GTF2H5: variants seen among roughly 807,000 people sequenced by gnomAD.
The protein encoded by GTF2H5 is general transcription factor IIH subunit 5.
Under a neutral mutation model 7.1 loss-of-function variants are expected in GTF2H5, and 5 were observed. The ratio of observed to expected loss-of-function variants is 0.71; its 90% CI spans 0.37 to 1.49. GTF2H5 has a LOEUF of 1.49. Ranked by LOEUF, GTF2H5 falls within the 40% of genes most tolerant of loss-of-function variation. GTF2H5 has a pLI of 0.03. For missense variants in GTF2H5, 80 were observed against 83.0 expected (o/e 0.96, Z 0.14); for synonymous variants, 30 against 31.7 (o/e 0.95, Z 0.18).
At chr6:158,184,271 A>C (rs1392820206) in intron 2 of GTF2H5, among the ~76,000 whole-genome samples, 1 of 151,664 alleles carries the variant, frequency 6.6e-6, no homozygotes, top group East Asian at 1.9e-4. Flanking sequence ...CATGTGAAGG[A>C]GGAGCCGCAT....
intron 2 of GTF2H5, among the ~76,000 whole-genome samples, chr6:158,171,730 A>T (rs1263340014): frequency 6.6e-6 from 1 of 152,228 alleles, no homozygotes; most frequent in East Asian, 1.9e-4. Context: ...GAGCAATCTC[A>T]TAGAGAACTG....
rs1235580799 is a variant in GTF2H5 at position 158,193,456 on chromosome 6, C to T, written c.*1299C>T. 1 of 152,122 alleles carries T rather than the reference C, an allele frequency of 6.6e-6. No individual in the cohort carries two copies. Among genetic ancestry groups the T allele is most frequent in the Non-Finnish European group, 1.5e-5 (1 of 68,030 alleles). 9.4% of individuals were successfully genotyped at this position (152,122 alleles called of 1,614,324 possible). ...CAAGAGAAAAGAGAATTTTCATGAC[C>T]TGTAGACTCTTACAAATCCATTTTA... On this transcript the variant is annotated 3_prime_UTR_variant, in exon 3 of 3. Coordinates refer to ENST00000607778, the MANE Select transcript of GTF2H5 (RefSeq NM_207118.3).
chr6:158,191,436 T>G (rs951686002), intron 2 of GTF2H5, among the ~76,000 whole-genome samples: 4 of 152,210 alleles, frequency 2.6e-5, no homozygotes, highest in Non-Finnish European at 5.9e-5. Context: ...CAAATTATTC[T>G]TTAAAAATCT....
rs1331820264 is a variant in GTF2H5 at position 158,169,436 on chromosome 6, AT to A, written c.-34-1032del. Among the ~76,000 whole-genome samples, 52 of 68,400 alleles carry A rather than the reference AT, an allele frequency of 7.6e-4. 1 individual carries two copies. Among genetic ancestry groups the A allele is most frequent in the African/African-American group, 4.2e-3 (48 of 11,494 alleles). 44.9% of individuals were successfully genotyped at this position (68,400 alleles called of 152,430 possible). ...ATATATTATATATAATATATTGTAT[AT>A]TATATATATTATATATTATATATAT... is the stretch of plus-strand genomic sequence containing the variant. On this transcript the variant is annotated intron_variant, in intron 1 of 2. Coordinates refer to ENST00000607778, the MANE Select transcript of GTF2H5 (RefSeq NM_207118.3).
At position 158,199,041 on chromosome 6, in the gene GTF2H5, G is replaced by A. The variant is rs1477873271; in HGVS notation, c.*6884G>A. On this transcript the variant is annotated 3_prime_UTR_variant, in exon 3 of 3. Transcript: ENST00000607778. ...AATTCTCCATGATTAGCACCTTTAT[G>A]TGGTTATCTCATTATTTTCATTCCT... 6.6e-6 allele frequency: 1 copy of A among 152,140 alleles called. No individual in the cohort carries two copies. Among genetic ancestry groups the A allele is most frequent in the Non-Finnish European group, 1.5e-5 (1 of 68,014 alleles). The allele number at this position is 152,140 out of a possible 1,614,324, so 9.4% of individuals were successfully genotyped here. A position where few individuals can be genotyped will look rare whatever the true frequency, so the allele number is the denominator to read the frequency against.
intron 2 of GTF2H5, 109 bp downstream of exon 2, chr6:158,170,647 T>C: frequency 4.9e-6 from 4 of 824,646 alleles, no homozygotes; most frequent in Non-Finnish European, 8.2e-6. Flanking sequence ...TGAAATCAAG[T>C]CTTTCGCTTT....
intron 2 of GTF2H5, among the ~76,000 whole-genome samples, chr6:158,179,298 C>G (rs1217380185): frequency 6.6e-6 from 1 of 152,116 alleles, no homozygotes; most frequent in Admixed American, 6.6e-5. Flanking sequence ...TAGTTTTGTT[C>G]TTCTTGCACA....
At chr6:158,174,933 A>AATAT (rs1785908820) in intron 2 of GTF2H5, among the ~76,000 whole-genome samples, 1 of 152,048 alleles carries the variant, frequency 6.6e-6, no homozygotes, top group South Asian at 2.1e-4. Flanking sequence ...CAGCATGTAT[A>AATAT]AATCTTTTCT....
intron 2 of GTF2H5, among the ~76,000 whole-genome samples, chr6:158,186,878 A>G (rs1217532831): frequency 6.6e-6 from 1 of 152,226 alleles, no homozygotes; most frequent in Non-Finnish European, 1.5e-5. Flanking sequence ...ATAGAAAGGA[A>G]TGTGTGGGTT....
intron 2 of GTF2H5, among the ~76,000 whole-genome samples, chr6:158,186,794 C>T (rs1263860753): frequency 1.3e-5 from 2 of 152,224 alleles, no homozygotes; most frequent in Non-Finnish European, 1.5e-5. Context: ...GCGGGCTTCC[C>T]GGTCATAGGT....
chr6:158,169,563 T>C (rs1297164668), intron 1 of GTF2H5, among the ~76,000 whole-genome samples: 3 of 92,774 alleles, frequency 3.2e-5, no homozygotes, highest in African/African-American at 4.3e-5. Context: ...ATATTATATA[T>C]AATATATTGT....
chr6:158,190,874 T>C (rs778250894), intron 2 of GTF2H5: 4 of 375,038 alleles, frequency 1.1e-5, no homozygotes, highest in East Asian at 5.5e-5. Context: ...ATCTAAAGAG[T>C]GTCCTTTGTC....
intron 1 of GTF2H5, among the ~76,000 whole-genome samples, 175 bp downstream of exon 1, chr6:158,168,570 C>A (rs926080994): frequency 6.6e-5 from 10 of 152,192 alleles, no homozygotes; most frequent in African/African-American, 2.2e-4. Context: ...GCACGGCAGT[C>A]CCCCCCTCGT....
At chr6:158,168,887 C>T (rs1252307491) in intron 1 of GTF2H5, among the ~76,000 whole-genome samples, 2 of 152,252 alleles carry the variant, frequency 1.3e-5, no homozygotes, top group Middle Eastern at 3.4e-3. Flanking sequence ...CACTTGAGGC[C>T]AGGAGTTCGA....
In GTF2H5 at chr6:158,197,935, G is replaced by A. The variant is rs1777137719; in HGVS notation, c.*5778G>A. 6.6e-6 allele frequency: 1 copy of A among 152,058 alleles called. No homozygotes were observed. Among genetic ancestry groups the A allele is most frequent in the Admixed American group, 6.5e-5 (1 of 15,270 alleles). The allele number at this position is 152,058 out of a possible 1,614,324, so 9.4% of individuals were successfully genotyped here. ...TTCTTTAGGGATAGACTGAATGGCT[G>A]GTATCATTGCTTGAACTTAATGGAG... On this transcript the variant is annotated 3_prime_UTR_variant, in exon 3 of 3. Transcript: ENST00000607778.
rs1482145018 is a variant in GTF2H5, at chr6:158,196,839, G to A, written c.*4682G>A. The A allele has an allele frequency of 6.6e-6, 1 of 152,182 alleles. No individual in the cohort carries two copies. Among genetic ancestry groups the A allele is most frequent in the African/African-American group, 2.4e-5 (1 of 41,442 alleles). The allele number at this position is 152,182 out of a possible 1,614,324, so 9.4% of individuals were successfully genotyped here. ...CTACAGCAGCAGACCATGCCACTTC[G>A]TGAGGAAAAAATTATCTCATTCATG... is the stretch of plus-strand genomic sequence containing the variant. On this transcript the variant is annotated 3_prime_UTR_variant, in exon 3 of 3. Transcript: ENST00000607778.
intron 1 of GTF2H5, among the ~76,000 whole-genome samples, chr6:158,169,576 A>G (rs1006158571): frequency 1.3e-5 from 1 of 78,644 alleles, no homozygotes; most frequent in Non-Finnish European, 2.2e-5. Context: ...TATATTGTAT[A>G]TTATATATAA....
chr6:158,169,380 ATATAT>A (rs1220490703), intron 1 of GTF2H5, among the ~76,000 whole-genome samples: 107 of 94,876 alleles, frequency 1.1e-3, no homozygotes, highest in African/African-American at 4.9e-3. Context: ...TATGTATATT[ATATAT>A]TATATATAAT....
intron 1 of GTF2H5, among the ~76,000 whole-genome samples, 154 bp downstream of exon 1, chr6:158,168,549 C>A (rs1785675787): frequency 6.6e-6 from 1 of 152,238 alleles, no homozygotes; most frequent in Non-Finnish European, 1.5e-5. Context: ...CGGGCCCTTC[C>A]TGGCGGGGCC....
Sources: allele counts gnomAD v4.1 joint callset (sites outside exome capture counted in the v4.1 genomes callset), GRCh38; gene constraint gnomAD v4.1.1; transcripts MANE v1.5; gene names NCBI Gene and HGNC (gene_info 2026-07-23, HGNC 2026-07-21).